Variants in CSMD3 observed in about 807,000 individuals in gnomAD.
CSMD3 encodes CUB and Sushi multiple domains 3.
Under a neutral mutation model 435.2 loss-of-function variants are expected in CSMD3, and 177 were observed. The ratio of observed to expected loss-of-function variants is 0.41; its 90% CI spans 0.36 to 0.46. CSMD3 has a LOEUF of 0.46. Among genes scored for constraint, CSMD3 ranks in the 20% least tolerant of loss-of-function variants. The pLI is 0.34. For missense variants in CSMD3, 4,265 were observed against 4,504.6 expected (o/e 0.95, Z 1.52); for synonymous variants, 1,656 against 1,520.5 (o/e 1.09, Z -2.07).
chr8:112,722,227 G>T (rs992468331), intron 13 of CSMD3, among the ~76,000 whole-genome samples: 18 of 151,000 alleles, frequency 1.2e-4, no homozygotes, highest in African/African-American at 4.4e-4. Flanking sequence ...CTGTTCCAGA[G>T]GAAAAGATAC....
intron 36 of CSMD3, among the ~76,000 whole-genome samples, chr8:112,383,972 G>A (rs953432805): frequency 1.6e-4 from 24 of 152,140 alleles, no homozygotes; most frequent in African/African-American, 5.1e-4. Flanking sequence ...CTCAGTGCCA[G>A]GAATCTCAAT....
intron 14 of CSMD3, among the ~76,000 whole-genome samples, chr8:112,688,470 C>G (rs192554985): frequency 6.6e-6 from 1 of 152,044 alleles, no homozygotes; most frequent in African/African-American, 2.4e-5. Flanking sequence ...GTCAAGTTCC[C>G]AGAAAAACTA....
rs113382477 is a variant in CSMD3 at position 113,281,474 on chromosome 8, A to T, written c.402-2770T>A. Among the ~76,000 whole-genome samples the T allele has an allele frequency of 4.6e-3, 697 of 151,884 alleles. 4 individuals are homozygous for T. Among genetic ancestry groups the T allele is most frequent in the Non-Finnish European group, 7.2e-3 (488 of 67,834 alleles). ...TGCTTTAAAGTTGGTTTTCTCTAAGAACACCTACCTCTGCTTGCTTTTGGT... is the reference window on the plus strand; with the variant it reads ...TGCTTTAAAGTTGGTTTTCTCTAAGTACACCTACCTCTGCTTGCTTTTGGT... On this transcript the variant is annotated intron_variant, in intron 2 of 70. Coordinates refer to ENST00000297405, the MANE Select transcript of CSMD3 (RefSeq NM_198123.2).
intron 1 of CSMD3, among the ~76,000 whole-genome samples, chr8:113,341,832 C>T (rs1005469184): frequency 7.9e-5 from 12 of 152,010 alleles, no homozygotes; most frequent in African/African-American, 2.2e-4. Context: ...TCTAGACTGA[C>T]GAACACTTCC....
chr8:112,275,692 C>A (rs1229333071), intron 59 of CSMD3, among the ~76,000 whole-genome samples: 1 of 152,114 alleles, frequency 6.6e-6, no homozygotes. Flanking sequence ...AAAGTGGAAA[C>A]CTCTTATAAA....
At chr8:112,900,019 T>C (rs999742799) in intron 10 of CSMD3, among the ~76,000 whole-genome samples, 1 of 151,224 alleles carries the variant, frequency 6.6e-6, no homozygotes, top group Non-Finnish European at 1.5e-5. Flanking sequence ...CTTTTCTCTC[T>C]ATTTTCTCTG....
Position 112,281,310 on chromosome 8 carries a change from T to A in CSMD3, c.9372A>T (p.Lys3124Asn), listed in dbSNP as rs925276075. 1.2e-6 allele frequency: 2 copies of A among 1,613,384 alleles called. No homozygotes were observed. Among genetic ancestry groups the A allele is most frequent in the African/African-American group, 2.7e-5 (2 of 74,898 alleles). The change falls in exon 59 of 71, where the codon AAA becomes AAT. Residue 3124 changes from lysine (K) to asparagine (N), a missense_variant. Coordinates refer to ENST00000297405, the MANE Select transcript of CSMD3 (RefSeq NM_198123.2). ...CGNPGTTANG[K>N]VFRIDGTTFS... is the part of the protein sequence containing the mutation. Reference sequence around the variant, plus strand: ...ATGTTGTGCCATCAATTCGGAAGACTTTCCCATTGGCTGTGGTTCCTGGGT... The same window carrying A: ...ATGTTGTGCCATCAATTCGGAAGACATTCCCATTGGCTGTGGTTCCTGGGT...
chr8:113,388,177 C>T (rs950829859), intron 1 of CSMD3, among the ~76,000 whole-genome samples: 3 of 151,470 alleles, frequency 2.0e-5, no homozygotes, highest in Admixed American at 2.0e-4. Context: ...TTTTTCATAG[C>T]GGACATCCCA....
At chr8:113,198,557 C>T (rs914768701) in intron 3 of CSMD3, among the ~76,000 whole-genome samples, 3 of 151,236 alleles carry the variant, frequency 2.0e-5, no homozygotes, top group African/African-American at 7.3e-5. Flanking sequence ...CCACTTCATA[C>T]ACTAACTCAG....
rs761906795 is a variant in CSMD3, at chr8:112,641,044, A to G, written c.3311-2133T>C. 3.1e-4 allele frequency among the ~76,000 whole-genome samples: 47 copies of G among 152,268 alleles called. No homozygotes were observed. In the Middle Eastern group the frequency reaches 0.01, roughly 33 times the overall value. On this transcript the variant is annotated intron_variant, in intron 20 of 70. Coordinates refer to ENST00000297405, the MANE Select transcript of CSMD3 (RefSeq NM_198123.2). Reference sequence around the variant, plus strand: ...TACCTTTCTGAGCCCTACTTTCTCCATATTTAAAATGGGGTTCTAATAGAG... The same window carrying G: ...TACCTTTCTGAGCCCTACTTTCTCCGTATTTAAAATGGGGTTCTAATAGAG...
At chr8:112,572,355 A>G (rs1829599262) in intron 24 of CSMD3, among the ~76,000 whole-genome samples, 1 of 152,130 alleles carries the variant, frequency 6.6e-6, no homozygotes, top group African/African-American at 2.4e-5. Context: ...ACAGGTAGAA[A>G]GAAAAGCACT....
In CSMD3 at chr8:112,301,887, G is replaced by A. The variant is rs770484698; in HGVS notation, c.8346C>T (p.Ile2782=). 15 of 1,613,228 alleles carry A rather than the reference G, an allele frequency of 9.3e-6. No individual in the cohort carries two copies. Among genetic ancestry groups the A allele is most frequent in the Non-Finnish European group, 1.2e-5 (14 of 1,179,374 alleles). Residue 2782 remains isoleucine, a synonymous_variant, in exon 53 of 71, where the codon ATC becomes ATT. Coordinates refer to ENST00000297405, the MANE Select transcript of CSMD3 (RefSeq NM_198123.2). ...GCATGAATCCCAAGTCGCAGGTAAAGATAGCTGTTGAGCCATATGAAGTTT... is the reference window on the plus strand; with the variant it reads ...GCATGAATCCCAAGTCGCAGGTAAAAATAGCTGTTGAGCCATATGAAGTTT... The part of the protein sequence containing the change: ...GTQTSYGSTA[I]FTCDLGFMLV...
intron 7 of CSMD3, among the ~76,000 whole-genome samples, chr8:112,967,820 A>G (rs1192193137): frequency 6.6e-6 from 1 of 151,752 alleles, no homozygotes; most frequent in East Asian, 1.9e-4. Context: ...CTCAGTGGAT[A>G]TTTGTGAGAG....
At chr8:113,293,840 A>C (rs1221627288) in intron 2 of CSMD3, among the ~76,000 whole-genome samples, 1 of 152,128 alleles carries the variant, frequency 6.6e-6, no homozygotes, top group Non-Finnish European at 1.5e-5. Context: ...GTAGGAAGAA[A>C]AATACATATA....
chr8:112,972,061 T>C (rs551447379), intron 7 of CSMD3, among the ~76,000 whole-genome samples: 4 of 149,630 alleles, frequency 2.7e-5, no homozygotes, highest in African/African-American at 1.0e-4. Flanking sequence ...ATTCACTTAA[T>C]TAACACATAG....
intron 5 of CSMD3, among the ~76,000 whole-genome samples, chr8:113,059,821 C>T (rs1241295364): frequency 1.3e-5 from 2 of 151,912 alleles, no homozygotes; most frequent in Admixed American, 1.3e-4. Flanking sequence ...TGGAAACAGC[C>T]CTGGGAATTT....
chr8:113,175,295 T>C (rs2092331101), intron 3 of CSMD3, among the ~76,000 whole-genome samples: 1 of 151,792 alleles, frequency 6.6e-6, no homozygotes, highest in South Asian at 2.1e-4. Context: ...AAGAAAAATG[T>C]ATTGAGCACA....
chr8:112,901,985 A>G (rs1203210118), intron 10 of CSMD3, among the ~76,000 whole-genome samples: 3 of 151,300 alleles, frequency 2.0e-5, no homozygotes, highest in Admixed American at 2.0e-4. Flanking sequence ...ATTAGTAGTC[A>G]TATATTACAT....
intron 64 of CSMD3, among the ~76,000 whole-genome samples, chr8:112,246,014 C>G (rs1028889155): frequency 6.6e-6 from 1 of 152,122 alleles, no homozygotes; most frequent in Non-Finnish European, 1.5e-5. Flanking sequence ...TTTAAACTAT[C>G]ATATCCCAAC....
Sources: gnomAD v4.1 joint callset for allele counts (sites outside exome capture counted in the v4.1 genomes callset) on GRCh38, gnomAD v4.1.1 for gene constraint, MANE v1.5 for transcripts, NCBI Gene and HGNC (gene_info 2026-07-23, HGNC 2026-07-21) for gene names.